BEND2: variants seen among roughly 807,000 people sequenced by gnomAD.
BEND2 encodes BEN domain containing 2.
A neutral mutation model predicts 43.8 loss-of-function variants in BEND2; 19 were observed. The ratio of observed to expected loss-of-function variants is 0.43; its 90% CI spans 0.30 to 0.64. The LOEUF is 0.64. Ranked by LOEUF, BEND2 falls within the 30% of genes least tolerant of loss-of-function variation. The probability of loss-of-function intolerance (pLI) is 0.11; values close to 1 mark genes in which losing one functional copy is unlikely to be tolerated. For synonymous variants in BEND2, 226 were observed against 210.1 expected, an observed-to-expected ratio of 1.08 and a Z score of -0.66; for missense variants, 544 against 574.0, an observed-to-expected ratio of 0.95 and a Z score of 0.53.
chrX:18,216,151 T>C (rs1925666639), intron 2 of BEND2, among the ~76,000 whole-genome samples: 1 of 111,621 alleles, frequency 9.0e-6, no homozygotes, highest in Non-Finnish European at 1.9e-5. Context: ...TCTACATAGA[T>C]AATCATGCCA....
At chrX:18,166,218 G>T (rs1457590322) in intron 13 of BEND2, among the ~76,000 whole-genome samples, 1 of 111,827 alleles carries the variant, frequency 8.9e-6, no homozygotes, top group East Asian at 2.8e-4. Context: ...AAGCTGGGAG[G>T]GATAATTACC....
chrX:18,173,269 G>T (rs889352866), intron 12 of BEND2, among the ~76,000 whole-genome samples: 11 of 111,286 alleles, frequency 9.9e-5, no homozygotes, highest in Admixed American at 8.7e-4. Context: ...GAATACAGGA[G>T]GTATTCAACT....
At chrX:18,193,705 G>A (rs1041851889) in intron 7 of BEND2, among the ~76,000 whole-genome samples, 2 of 111,901 alleles carry the variant, frequency 1.8e-5, no homozygotes, top group South Asian at 3.8e-4. Flanking sequence ...CATTAAGGAC[G>A]TTGATGGATG....
chrX:18,205,969 C>T lies in BEND2; in HGVS notation c.493-2054G>A, dbSNP rs767321223. On this transcript the variant is annotated intron_variant, in intron 4 of 13. Coordinates refer to ENST00000380033, the MANE Select transcript of BEND2 (RefSeq NM_153346.5). ...CATGGTTGGGGTCAAATACTAGAGT[C>T]CAGCCACTTATTGGCTGTGTGACCC... Among the ~76,000 whole-genome samples, 9 of 111,235 alleles carry T rather than the reference C, an allele frequency of 8.1e-5. No individual in the cohort carries two copies. In the South Asian group the frequency reaches 2.7e-3, roughly 33 times the overall value.
intron 4 of BEND2, among the ~76,000 whole-genome samples, chrX:18,204,875 T>G (rs17320810): frequency 0.18 from 20,204 of 111,248 alleles, 1,398 homozygotes; most frequent in East Asian, 0.34. Context: ...AAAGACCAAA[T>G]ACTCACTTTA....
chrX:18,182,572 C>A (rs1272588705), intron 8 of BEND2, among the ~76,000 whole-genome samples: 19 of 111,768 alleles, frequency 1.7e-4, no homozygotes, highest in Admixed American at 7.6e-4. Context: ...AAGAACACTA[C>A]ATAACAATAA....
chrX:18,178,830 G>A (rs1298768727), intron 9 of BEND2, among the ~76,000 whole-genome samples: 1 of 111,204 alleles, frequency 9.0e-6, no homozygotes, highest in African/African-American at 3.3e-5. Context: ...AGTAAGAGCT[G>A]GGATTTGAAA....
Position 18,198,377 on chromosome X carries a change from C to G in BEND2, c.1034-2935G>C, listed in dbSNP as rs749815121. ...ACAAGAAAAAAACAAACAACCCCAT[C>G]AAAAAGTAGGCAAAGGATATGAACA... On this transcript the variant is annotated intron_variant, in intron 6 of 13. Coordinates refer to ENST00000380033, the MANE Select transcript of BEND2 (RefSeq NM_153346.5). Among the ~76,000 whole-genome samples, 895 of 110,589 alleles carry G rather than the reference C, an allele frequency of 8.1e-3. 13 individuals are homozygous for G. The highest frequency in any genetic ancestry group is 0.028 in the African/African-American group (850 of 30,275).
chrX:18,169,022 T>C (rs139988601), intron 13 of BEND2, among the ~76,000 whole-genome samples: 1,449 of 110,522 alleles, frequency 0.013, 28 homozygotes, highest in African/African-American at 0.045. Flanking sequence ...CCCAGCACTT[T>C]GGGAGGCCAA....
intron 1 of BEND2, among the ~76,000 whole-genome samples, chrX:18,220,446 C>T (rs1209990157): frequency 1.8e-5 from 2 of 111,645 alleles, no homozygotes; most frequent in Non-Finnish European, 3.8e-5. Flanking sequence ...GCCACGGAGA[C>T]GCCATGAGCC....
At chrX:18,182,385 T>A (rs1391689920) in intron 8 of BEND2, among the ~76,000 whole-genome samples, 1 of 111,583 alleles carries the variant, frequency 9.0e-6, no homozygotes, top group Non-Finnish European at 1.9e-5. Flanking sequence ...GAACTCTGAG[T>A]CAATTAAACA....
chrX:18,188,014 T>G, intron 8 of BEND2, among the ~76,000 whole-genome samples: 1 of 110,378 alleles, frequency 9.1e-6, no homozygotes, highest in Middle Eastern at 4.7e-3. Flanking sequence ...TACCAAAACC[T>G]ATGGGATAGA....
At position 18,164,020 on chromosome X, in the gene BEND2, A is replaced by G. The variant is rs1211070268; in HGVS notation, c.*989T>C. 9.0e-6 allele frequency: 1 copy of G among 110,641 alleles called. No homozygotes were observed. The highest frequency in any genetic ancestry group is 9.7e-5 in the Admixed American group (1 of 10,288). 9.1% of individuals were successfully genotyped at this position (110,641 alleles called of 1,213,427 possible). On this transcript the variant is annotated 3_prime_UTR_variant, in exon 14 of 14. Transcript: ENST00000380033. Reference sequence around the variant, plus strand: ...TTATGCAAGATTTTTTTAATTATCTACTTCTTTTTTTTCTTTTCCCGAGAC... The same window carrying G: ...TTATGCAAGATTTTTTTAATTATCTGCTTCTTTTTTTTCTTTTCCCGAGAC...
intron 2 of BEND2, 139 bp from the exon 3 acceptor site, chrX:18,214,050 C>G (rs1925595831): frequency 9.0e-6 from 1 of 110,971 alleles, no homozygotes; most frequent in South Asian, 3.8e-4. Flanking sequence ...TAATTACATT[C>G]TGATGTATTC....
chrX:18,166,073 AT>A (rs1331675914), intron 13 of BEND2, among the ~76,000 whole-genome samples: 1 of 112,437 alleles, frequency 8.9e-6, no homozygotes, highest in Non-Finnish European at 1.9e-5. Context: ...TAATTAATTA[AT>A]GGATCAGCGG....
Position 18,174,191 on chromosome X carries a change from T to C in BEND2, c.1820A>G (p.Gln607Arg). The C allele has an allele frequency of 8.3e-7, 1 of 1,211,895 alleles. No homozygotes were observed. Among genetic ancestry groups the C allele is most frequent in the Non-Finnish European group, 1.1e-6 (1 of 895,527 alleles). The change falls in exon 12 of 14, where the codon CAA becomes CGA. Residue 607 changes from glutamine to arginine, a missense_variant. Transcript: ENST00000380033. ...VASASADRND[Q>R]RGRDGGEGCS... ...GCCTTCACCACCATCTCTGCCCCTT[T>C]GGTCATTTCTATCTGCAGATGCCGA...
At chrX:18,188,090 T>A (rs1443640545) in intron 8 of BEND2, among the ~76,000 whole-genome samples, 2 of 110,369 alleles carry the variant, frequency 1.8e-5, no homozygotes, top group Non-Finnish European at 3.8e-5. Context: ...AAGAAAAACT[T>A]CAAATAAATA....
At chrX:18,182,546 G>A (rs188693830) in intron 8 of BEND2, among the ~76,000 whole-genome samples, 15 of 111,716 alleles carry the variant, frequency 1.3e-4, no homozygotes, top group African/African-American at 3.9e-4. Context: ...AGCAAAGAAA[G>A]TTACCAGAGA....
intron 7 of BEND2, 133 bp from the exon 8 acceptor site, chrX:18,191,241 GA>G (rs750122572): frequency 4.1e-6 from 2 of 484,529 alleles, no homozygotes; most frequent in Non-Finnish European, 6.5e-6. Context: ...CTCAGACAAA[GA>G]AAAACTTTAA....
Sources: allele counts gnomAD v4.1 joint callset (sites outside exome capture counted in the v4.1 genomes callset), GRCh38; gene constraint gnomAD v4.1.1; transcripts MANE v1.5; gene names NCBI Gene and HGNC (gene_info 2026-07-23, HGNC 2026-07-21).